The following PCDHB12 variants were observed in gnomAD, a reference collection of about 807,000 sequenced individuals.
PCDHB12 encodes the protein protocadherin beta 12.
For missense variants in PCDHB12, 1,192 were observed against 998.2 expected (o/e 1.19, Z -2.62); for synonymous variants, 560 against 445.2 (o/e 1.26, Z -3.24).
At position 141,209,773 on chromosome 5, in the gene PCDHB12, G is replaced by A; in HGVS notation, c.866G>A (p.Arg289His). 6.2e-7 allele frequency: 1 copy of A among 1,614,136 alleles called. No homozygotes were observed. Residue 289 changes from arginine (R) to histidine (H), a missense_variant, in exon 1 of 1, where the codon CGC becomes CAC. Physicochemically the swap from Arg to His is conservative, Grantham distance 29 (BLOSUM62 0). Transcript: ENST00000239450. ...TTTTCCCATGCCTCAGAAGATATTCGCAAGACATTTGAAATTAATCAAAAG... is the reference window on the plus strand; with the variant it reads ...TTTTCCCATGCCTCAGAAGATATTCACAAGACATTTGAAATTAATCAAAAG... ...YTFSHASEDI[R>H]KTFEINQKSG...
Position 141,209,563 on chromosome 5 carries a change from C to G in PCDHB12, c.656C>G (p.Ser219Cys). The change falls in exon 1 of 1, where the codon TCC becomes TGC. Residue 219 changes from serine to cysteine, a missense_variant. Physicochemically the swap from Ser to Cys is moderately radical, Grantham distance 112. Coordinates refer to ENST00000239450, the MANE Select transcript of PCDHB12 (RefSeq NM_018932.4). ...SFILTALDGG[S>C]PPRSGTALVR... Reference sequence around the variant, plus strand: ...ATCCTCACTGCTCTGGATGGCGGGTCCCCTCCCAGGTCTGGAACTGCCTTG... The same window carrying G: ...ATCCTCACTGCTCTGGATGGCGGGTGCCCTCCCAGGTCTGGAACTGCCTTG... 2 of 1,614,122 alleles carry G rather than the reference C, an allele frequency of 1.2e-6. No homozygotes were observed. Among genetic ancestry groups the G allele is most frequent in the Non-Finnish European group, 1.7e-6 (2 of 1,180,034 alleles).
chr5:141,211,215 A>G lies in PCDHB12; in HGVS notation c.2308A>G (p.Ile770Val), dbSNP rs1289703894. 3.1e-6 allele frequency: 5 copies of G among 1,614,082 alleles called. No homozygotes were observed. The highest frequency in any genetic ancestry group is 2.2e-5 in the South Asian group (2 of 91,072). The change falls in exon 1 of 1, where the codon ATT (isoleucine) becomes GTT (valine). Residue 770 changes from isoleucine to valine, a missense_variant. By Grantham distance (29) the Ile-to-Val change is conservative (BLOSUM62 3). Coordinates refer to ENST00000239450, the MANE Select transcript of PCDHB12 (RefSeq NM_018932.4). Reference protein sequence around the residue: ...RSNKFKFLKPIIPNFLPQSTG... With the variant: ...RSNKFKFLKPVIPNFLPQSTG... ...AAATAAGTTCAAATTTCTGAAACCA[A>G]TTATCCCCAACTTCCTACCCCAGAG...
chr5:141,209,042 A>G lies in PCDHB12; in HGVS notation c.135A>G (p.Val45=). 1 of 1,611,242 alleles carries G rather than the reference A, an allele frequency of 6.2e-7. No homozygotes were observed. The highest frequency in any genetic ancestry group is 8.5e-7 in the Non-Finnish European group (1 of 1,178,530). ...AGGAATTGCAGAGCGGGAGCTTTGT[A>G]GGAAATTTGGCAAAGACCCTGGGAC... ...VMEELQSGSF[V]GNLAKTLGLE... is the part of the protein sequence containing the mutation. Residue 45 remains valine, a synonymous_variant, in exon 1 of 1, where the codon GTA becomes GTG. Transcript: ENST00000239450.
rs782635324 is a variant in PCDHB12 at position 141,210,877 on chromosome 5, C to A, written c.1970C>A (p.Thr657Lys). The A allele has an allele frequency of 2.5e-6, 4 of 1,605,844 alleles. No homozygotes were observed. Among genetic ancestry groups the A allele is most frequent in the East Asian group, 2.2e-5 (1 of 44,880 alleles). ...NGEPPRSATA[T>K]LHVLLVDGFS... ...GAGCCTCCGCGCTCGGCCACCGCCA[C>A]GCTGCACGTGCTCCTGGTGGACGGC... The change falls in exon 1 of 1, where the codon ACG becomes AAG. Residue 657 changes from threonine (T) to lysine (K), a missense_variant. Thr to Lys is a moderately conservative substitution (Grantham distance 78). Coordinates refer to ENST00000239450, the MANE Select transcript of PCDHB12 (RefSeq NM_018932.4).
At position 141,210,100 on chromosome 5, in the gene PCDHB12, A is replaced by G. The variant is rs1332896281; in HGVS notation, c.1193A>G (p.Asn398Ser). 2.5e-6 allele frequency: 4 copies of G among 1,614,056 alleles called. No individual in the cohort carries two copies. The highest frequency in any genetic ancestry group is 2.7e-5 in the African/African-American group (2 of 74,924). Residue 398 changes from asparagine (N) to serine (S), a missense_variant, in exon 1 of 1, where the codon AAT becomes AGT. Coordinates refer to ENST00000239450, the MANE Select transcript of PCDHB12 (RefSeq NM_018932.4). ...CCATTCGTGCTAAAATCTTCGGTAA[A>G]TAATTACTACACTTTGGAAACAGAG... is the stretch of plus-strand genomic sequence containing the variant. ...DIPFVLKSSV[N>S]NYYTLETERP...
rs782114108 is a variant in PCDHB12 at position 141,209,162 on chromosome 5, C to G, written c.255C>G (p.Leu85=). Residue 85 remains leucine, a synonymous_variant, in exon 1 of 1, where the codon CTC becomes CTG. Coordinates refer to ENST00000239450, the MANE Select transcript of PCDHB12 (RefSeq NM_018932.4). ...LQLDTNTGDL[L]LREMLDREEL... ...TGGACACAAACACTGGGGATTTGCT[C>G]CTGAGAGAAATGCTAGACAGGGAGG... 2 of 1,614,100 alleles carry G rather than the reference C, an allele frequency of 1.2e-6. No homozygotes were observed. The highest frequency in any genetic ancestry group is 8.5e-7 in the Non-Finnish European group (1 of 1,180,022).
chr5:141,210,172 C>T lies in PCDHB12; in HGVS notation c.1265C>T (p.Thr422Ile). 1 of 1,614,172 alleles carries T rather than the reference C, an allele frequency of 6.2e-7. No individual in the cohort carries two copies. ...AGAGCCGAGTACAACATCACCATCA[C>T]CGTCACCGACTTGGGGACCCCCAGG... ...ESRAEYNITI[T>I]VTDLGTPRLK... Residue 422 changes from threonine (T) to isoleucine (I), a missense_variant, in exon 1 of 1, where the codon ACC becomes ATC. By Grantham distance (89) the Thr-to-Ile change is moderately conservative (BLOSUM62 -1). Coordinates refer to ENST00000239450, the MANE Select transcript of PCDHB12 (RefSeq NM_018932.4).
Position 141,209,729 on chromosome 5 carries a change from C to G in PCDHB12, c.822C>G (p.Asn274Lys). 2.5e-6 allele frequency: 4 copies of G among 1,614,208 alleles called. No individual in the cohort carries two copies. Among genetic ancestry groups the G allele is most frequent in the East Asian group, 2.2e-5 (1 of 44,886 alleles). Reference protein sequence around the residue: ...VSAWDLDSGTNSELSYTFSHA... With the variant: ...VSAWDLDSGTKSELSYTFSHA... ...CCTGGGATTTAGACTCTGGAACAAA[C>G]AGTGAACTATCCTATACCTTTTCCC... is the stretch of plus-strand genomic sequence containing the variant. The change falls in exon 1 of 1, where the codon AAC (asparagine) becomes AAG (lysine). Residue 274 changes from asparagine to lysine, a missense_variant. Physicochemically the swap from Asn to Lys is moderately conservative, Grantham distance 94 (BLOSUM62 0). Coordinates refer to ENST00000239450, the MANE Select transcript of PCDHB12 (RefSeq NM_018932.4).
Position 141,210,378 on chromosome 5 carries a change from C to T in PCDHB12, c.1471C>T (p.Leu491=). Residue 491 remains leucine, a synonymous_variant, in exon 1 of 1, where the codon CTG becomes TTG. Coordinates refer to ENST00000239450, the MANE Select transcript of PCDHB12 (RefSeq NM_018932.4). ...GTNAQVNYSL[L]PSQDPHLPLA... Reference sequence around the variant, plus strand: ...CAACGCCCAGGTCAACTACTCGCTGCTGCCGTCCCAGGACCCGCACCTGCC... The same window carrying T: ...CAACGCCCAGGTCAACTACTCGCTGTTGCCGTCCCAGGACCCGCACCTGCC... 1.2e-6 allele frequency: 2 copies of T among 1,613,048 alleles called. No individual in the cohort carries two copies. Among genetic ancestry groups the T allele is most frequent in the Non-Finnish European group, 1.7e-6 (2 of 1,180,040 alleles).
chr5:141,208,780 A>C lies in PCDHB12; in HGVS notation c.-128A>C, dbSNP rs1348316380. The C allele has an allele frequency of 1.3e-5, 10 of 778,582 alleles. No individual in the cohort carries two copies. Among genetic ancestry groups the C allele is most frequent in the Non-Finnish European group, 2.0e-5 (10 of 498,480 alleles). The allele number at this position is 778,582 out of a possible 1,614,324, so 48.2% of individuals were successfully genotyped here. On this transcript the variant is annotated 5_prime_UTR_variant, in exon 1 of 1. Transcript: ENST00000239450. ...TCCTTTAAGGGAGAACCTAGAAGCC[A>C]TTCAACAAGGTTAAAATCTTCAGGC...
In PCDHB12 at chr5:141,211,385, C is replaced by T. The variant is rs1412935849; in HGVS notation, c.*90C>T. 2 of 1,231,486 alleles carry T rather than the reference C, an allele frequency of 1.6e-6. No individual in the cohort carries two copies. The highest frequency in any genetic ancestry group is 2.3e-6 in the Non-Finnish European group (2 of 865,386). The allele number at this position is 1,231,486 out of a possible 1,614,324, so 76.3% of individuals were successfully genotyped here. ...GCCTGTAAAGTAGTATTTTTGATCA[C>T]TTCAAATACATACTCTTCAAGTCAA... On this transcript the variant is annotated 3_prime_UTR_variant, in exon 1 of 1. Transcript: ENST00000239450.
At position 141,210,321 on chromosome 5, in the gene PCDHB12, A is replaced by G. The variant is rs782783646; in HGVS notation, c.1414A>G (p.Ser472Gly). The change falls in exon 1 of 1, where the codon AGC (serine) becomes GGC (glycine). Residue 472 changes from serine to glycine, a missense_variant. Ser to Gly is a moderately conservative substitution (Grantham distance 56). Coordinates refer to ENST00000239450, the MANE Select transcript of PCDHB12 (RefSeq NM_018932.4). Reference sequence around the variant, plus strand: ...CAACAGCCCCGCCCTGCACATCGGCAGCATCAGCGCCACAGACAGAGACTC... The same window carrying G: ...CAACAGCCCCGCCCTGCACATCGGCGGCATCAGCGCCACAGACAGAGACTC... Reference protein sequence around the residue: ...ENNSPALHIGSISATDRDSGT... With the variant: ...ENNSPALHIGGISATDRDSGT... 1.2e-6 allele frequency: 2 copies of G among 1,613,328 alleles called. No homozygotes were observed. The highest frequency in any genetic ancestry group is 2.2e-5 in the South Asian group (2 of 91,038).
chr5:141,209,906 C>G lies in PCDHB12; in HGVS notation c.999C>G (p.Val333=). ...GAGGACTTTTTGGAAAATCTACAGT[C>G]AGAATTCAGGTGATGGATGTAAACG... ...DGGGLFGKST[V]RIQVMDVNDN... The change falls in exon 1 of 1, where the codon GTC becomes GTG. Residue 333 remains valine (V), a synonymous_variant. Coordinates refer to ENST00000239450, the MANE Select transcript of PCDHB12 (RefSeq NM_018932.4). 6.2e-7 allele frequency: 1 copy of G among 1,614,168 alleles called. No individual in the cohort carries two copies. Among genetic ancestry groups the G allele is most frequent in the Non-Finnish European group, 8.5e-7 (1 of 1,180,046 alleles).
Position 141,210,483 on chromosome 5 carries a change from G to A in PCDHB12, c.1576G>A (p.Gly526Arg). ...GTCGCTGGACTACGAGGCCCTGCAG[G>A]GGTTCCAGTTCCGCGTGGGCGCCAC... ...LRSLDYEALQGFQFRVGATDH... is the reference protein window; with the variant it reads ...LRSLDYEALQRFQFRVGATDH... The change falls in exon 1 of 1, where the codon GGG becomes AGG. Residue 526 changes from glycine (G) to arginine (R), a missense_variant. By Grantham distance (125) the Gly-to-Arg change is moderately radical (BLOSUM62 -2). Transcript: ENST00000239450. The A allele has an allele frequency of 6.2e-7, 1 of 1,612,728 alleles. No individual in the cohort carries two copies. Among genetic ancestry groups the A allele is most frequent in the Non-Finnish European group, 8.5e-7 (1 of 1,179,878 alleles).
At position 141,210,848 on chromosome 5, in the gene PCDHB12, T is replaced by A. The variant is rs782423516; in HGVS notation, c.1941T>A (p.Asn647Lys). The A allele has an allele frequency of 2.5e-6, 4 of 1,602,612 alleles. No homozygotes were observed. The highest frequency in any genetic ancestry group is 2.5e-6 in the Non-Finnish European group (3 of 1,179,082). ...GGCTGGTGGTGCTGGTCAAGGACAA[T>A]GGCGAGCCTCCGCGCTCGGCCACCG... ...KHRLVVLVKD[N>K]GEPPRSATAT... is the part of the protein sequence containing the mutation. The change falls in exon 1 of 1, where the codon AAT (asparagine) becomes AAA (lysine). Residue 647 changes from asparagine to lysine, a missense_variant. Asn to Lys is a moderately conservative substitution (Grantham distance 94, BLOSUM62 0). Coordinates refer to ENST00000239450, the MANE Select transcript of PCDHB12 (RefSeq NM_018932.4).
chr5:141,209,521 G>A lies in PCDHB12; in HGVS notation c.614G>A (p.Arg205His), dbSNP rs781824876. ...GACAAGGCGCTGGATTATGAAGAGC[G>A]CCCGGAGCTCAGTTTCATCCTCACT... ...VLDKALDYEERPELSFILTAL... is the reference protein window; with the variant it reads ...VLDKALDYEEHPELSFILTAL... The change falls in exon 1 of 1, where the codon CGC becomes CAC. Residue 205 changes from arginine to histidine, a missense_variant. Transcript: ENST00000239450. The A allele has an allele frequency of 6.2e-7, 1 of 1,614,028 alleles. No individual in the cohort carries two copies. Among genetic ancestry groups the A allele is most frequent in the Non-Finnish European group, 8.5e-7 (1 of 1,180,044 alleles).
In PCDHB12 at chr5:141,209,772, CG is replaced by C; in HGVS notation, c.866del (p.Arg289ProfsTer15). The C allele has an allele frequency of 6.2e-7, 1 of 1,614,188 alleles. No homozygotes were observed. On this transcript the variant is annotated frameshift_variant, in exon 1 of 1. Coordinates refer to ENST00000239450, the MANE Select transcript of PCDHB12 (RefSeq NM_018932.4). LOFTEE classifies it low-confidence loss of function (END_TRUNC). ...CTTTTCCCATGCCTCAGAAGATATT[CG>C]CAAGACATTTGAAATTAATCAAAAG... ...YTFSHASEDI[R>X]KTFEINQKSG...
Position 141,209,751 on chromosome 5 carries a change from T to C in PCDHB12, c.844T>C (p.Ser282Pro), listed in dbSNP as rs782289382. The C allele has an allele frequency of 1.1e-5, 18 of 1,614,066 alleles. No individual in the cohort carries two copies. The Admixed American group carries it at 1.5e-4, about 13-fold the overall frequency. ...AAACAGTGAACTATCCTATACCTTT[T>C]CCCATGCCTCAGAAGATATTCGCAA... The part of the protein sequence containing the change: ...GTNSELSYTF[S>P]HASEDIRKTF... The change falls in exon 1 of 1, where the codon TCC becomes CCC. Residue 282 changes from serine (S) to proline (P), a missense_variant. By Grantham distance (74) the Ser-to-Pro change is moderately conservative. Transcript: ENST00000239450.
Position 141,209,901 on chromosome 5 carries a change from ACAGT to A in PCDHB12, c.998_1001del (p.Val333GlufsTer4). 1.2e-6 allele frequency: 2 copies of A among 1,614,230 alleles called. No individual in the cohort carries two copies. Among genetic ancestry groups the A allele is most frequent in the Non-Finnish European group, 1.7e-6 (2 of 1,180,042 alleles). ...TGGGGGAGGACTTTTTGGAAAATCTACAGTCAGAATTCAGGTGATGGATGTAAAC... is the reference window on the plus strand; with the variant it reads ...TGGGGGAGGACTTTTTGGAAAATCTACAGAATTCAGGTGATGGATGTAAAC... On this transcript the variant is annotated frameshift_variant, in exon 1 of 1. Coordinates refer to ENST00000239450, the MANE Select transcript of PCDHB12 (RefSeq NM_018932.4). LOFTEE classifies it low-confidence loss of function (END_TRUNC).
Sources: allele counts gnomAD v4.1 joint callset, GRCh38; gene constraint gnomAD v4.1.1; transcripts MANE v1.5; gene names NCBI Gene and HGNC (gene_info 2026-07-23, HGNC 2026-07-21).